The following SV2C variants were observed in gnomAD, a reference collection of about 807,000 sequenced individuals.
The protein encoded by SV2C is solute carrier family 22 member B3.
SV2C carries 49 observed loss-of-function variants against 79.7 expected under a neutral mutation model. The observed-to-expected ratio is 0.61, with a 90% CI of 0.49 to 0.78. SV2C has a LOEUF of 0.78. Among genes scored for constraint, SV2C ranks in the 30% least tolerant of loss-of-function variants. The pLI is 0.00. For synonymous variants in SV2C, 334 were observed against 333.2 expected (o/e 1.00, Z -0.03); for missense variants, 833 against 912.9 (o/e 0.91, Z 1.13).
the SV2C span, among the ~76,000 whole-genome samples, chr5:76,022,789 A>C: frequency 3.9e-5 from 6 of 152,218 alleles, no homozygotes; most frequent in Non-Finnish European, 5.9e-5. Flanking sequence ...ATTTCATGAA[A>C]TCACTTTATG....
At chr5:75,946,428 A>C in the SV2C span, among the ~76,000 whole-genome samples, 1 of 152,148 alleles carries the variant, frequency 6.6e-6, no homozygotes, top group Non-Finnish European at 1.5e-5. Flanking sequence ...CCATGGGTTT[A>C]CATGACTATC....
At chr5:75,907,323 C>G in the SV2C span, among the ~76,000 whole-genome samples, 1 of 152,118 alleles carries the variant, frequency 6.6e-6, no homozygotes, top group African/African-American at 2.4e-5. Context: ...CATGGCTCAC[C>G]TCCAAAGCAG....
chr5:76,211,241 C>T (rs2112357450), intron 4 of SV2C, among the ~76,000 whole-genome samples: 1 of 152,256 alleles, frequency 6.6e-6, no homozygotes, highest in East Asian at 1.9e-4. Flanking sequence ...GAGGTGACTC[C>T]ACCTGTCCAC....
At chr5:75,868,907 T>C in the SV2C span, among the ~76,000 whole-genome samples, 1 of 152,224 alleles carries the variant, frequency 6.6e-6, no homozygotes, top group Non-Finnish European at 1.5e-5. Context: ...GGGCGTAGGC[T>C]TTGCTTGAGA....
chr5:75,999,514 C>T, the SV2C span, among the ~76,000 whole-genome samples: 124,669 of 151,704 alleles, frequency 0.82, 51,479 homozygotes, highest in Middle Eastern at 0.91. Context: ...TAATTCTGCC[C>T]GTGTCCAAAG....
chr5:76,268,618 A>T (rs1206456686), intron 4 of SV2C, among the ~76,000 whole-genome samples: 1 of 152,192 alleles, frequency 6.6e-6, no homozygotes, highest in Non-Finnish European at 1.5e-5. Flanking sequence ...AAGAACGCAA[A>T]CGCTTTAGGA....
intron 1 of SV2C, among the ~76,000 whole-genome samples, chr5:76,099,022 T>C (rs1747653324): frequency 2.0e-5 from 3 of 152,320 alleles, no homozygotes; most frequent in South Asian, 4.1e-4. Flanking sequence ...TGGGGCATTA[T>C]GTACTTCCTT....
rs367893614 is a variant in SV2C, at chr5:76,294,503, T to C, written c.1338-1275T>C. ...TTTTAGTAGAGGTAGGGTTTCACCA[T>C]GTTGACCAGGCTGGTCTCGATCTCC... is the stretch of plus-strand genomic sequence containing the variant. On this transcript the variant is annotated intron_variant, in intron 8 of 12. Coordinates refer to ENST00000502798, the MANE Select transcript of SV2C (RefSeq NM_014979.4). Among the ~76,000 whole-genome samples the C allele has an allele frequency of 5.9e-5, 9 of 152,268 alleles. No individual in the cohort carries two copies. In the East Asian group the frequency reaches 7.7e-4, roughly 13 times the overall value.
At position 76,211,953 on chromosome 5, in the gene SV2C, A is replaced by G. The variant is rs143253636; in HGVS notation, c.913+2066A>G. Among the ~76,000 whole-genome samples, 966 of 152,276 alleles carry G rather than the reference A, an allele frequency of 6.3e-3. 10 individuals carry two copies. Among genetic ancestry groups the G allele is most frequent in the African/African-American group, 0.021 (854 of 41,554 alleles). On this transcript the variant is annotated intron_variant, in intron 4 of 12. Transcript: ENST00000502798. Reference sequence around the variant, plus strand: ...GAGAACTTCTTTGCTGAACATTTACATTGAGTTCAGGGTGCCAAGCTCAAG... The same window carrying G: ...GAGAACTTCTTTGCTGAACATTTACGTTGAGTTCAGGGTGCCAAGCTCAAG...
chr5:75,984,565 CTA>C, the SV2C span, among the ~76,000 whole-genome samples: 1,699 of 55,606 alleles, frequency 0.031, 17 homozygotes, highest in African/African-American at 0.05. Context: ...ATCTATCTAT[CTA>C]TATCTATCTA....
the SV2C span, among the ~76,000 whole-genome samples, chr5:75,998,648 G>GTGTGTA: frequency 1.3e-5 from 2 of 151,754 alleles, no homozygotes; most frequent in African/African-American, 4.9e-5. Flanking sequence ...GTGTGCATGT[G>GTGTGTA]TGTGTATGTG....
chr5:75,995,052 C>T, the SV2C span, among the ~76,000 whole-genome samples: 23 of 148,432 alleles, frequency 1.5e-4, no homozygotes, highest in South Asian at 1.1e-3. Context: ...CCCCATTCAA[C>T]GAAAGAGAGC....
At chr5:76,159,928 G>A (rs2112246622) in intron 2 of SV2C, among the ~76,000 whole-genome samples, 1 of 151,860 alleles carries the variant, frequency 6.6e-6, no homozygotes, top group African/African-American at 2.4e-5. Context: ...CTATATACTA[G>A]CGTTGAACAA....
intron 4 of SV2C, chr5:76,242,369 C>G (rs1319759832): frequency 1.9e-6 from 2 of 1,078,556 alleles, no homozygotes; most frequent in African/African-American, 1.6e-5. Context: ...TTGGTCGGAC[C>G]GGGGGTCGTT....
At chr5:76,128,626 T>A (rs910063224) in intron 1 of SV2C, among the ~76,000 whole-genome samples, 9 of 152,198 alleles carry the variant, frequency 5.9e-5, no homozygotes, top group Non-Finnish European at 1.3e-4. Context: ...TGGAAGACTA[T>A]AATGTCTATT....
At chr5:75,945,203 T>C in the SV2C span, among the ~76,000 whole-genome samples, 4 of 152,140 alleles carry the variant, frequency 2.6e-5, no homozygotes, top group East Asian at 7.7e-4. Context: ...CAAATGGAAA[T>C]TTTAGAACTG....
intron 4 of SV2C, among the ~76,000 whole-genome samples, chr5:76,247,339 T>C (rs1745975825): frequency 2.0e-5 from 3 of 152,230 alleles, no homozygotes; most frequent in African/African-American, 7.2e-5. Context: ...TGCTTTCCCG[T>C]GGCCATATGC....
At chr5:76,208,817 G>A (rs180682802) in intron 3 of SV2C, among the ~76,000 whole-genome samples, 14 of 152,262 alleles carry the variant, frequency 9.2e-5, no homozygotes, top group African/African-American at 2.9e-4. Flanking sequence ...TTCACATATT[G>A]CTTGGAGTGA....
intron 2 of SV2C, among the ~76,000 whole-genome samples, chr5:76,136,992 G>A (rs1749091717): frequency 6.6e-6 from 1 of 152,218 alleles, no homozygotes; most frequent in Non-Finnish European, 1.5e-5. Context: ...TGGCAGCAGT[G>A]TGGAGAGAGA....
Sources: gnomAD v4.1 joint callset for allele counts (sites outside exome capture counted in the v4.1 genomes callset) on GRCh38, gnomAD v4.1.1 for gene constraint, MANE v1.5 for transcripts, NCBI Gene and HGNC (gene_info 2026-07-23, HGNC 2026-07-21) for gene names.